TMEM114: variants seen among roughly 807,000 people sequenced by gnomAD.
TMEM114 encodes transmembrane protein 114, also known as claudin-26.
In TMEM114, 6 loss-of-function variants were observed where a neutral mutation model predicts 6.2. That is an observed-to-expected ratio of 0.97 (90% CI 0.53 to 1.91). The LOEUF (loss-of-function observed/expected upper bound fraction) is 1.91, where lower values mean the gene tolerates loss of function less well. TMEM114 is among the 40% of genes most tolerant of loss of function. The probability of loss-of-function intolerance (pLI) is 0.01; values close to 1 mark genes in which losing one functional copy is unlikely to be tolerated. For synonymous variants in TMEM114, 104 were observed against 73.0 expected (o/e 1.42, Z -2.16); for missense variants, 218 against 158.3 (o/e 1.38, Z -2.02).
chr16:8,537,185 G>A (rs1266312394), downstream of TMEM114, among the ~76,000 whole-genome samples: 7 of 152,050 alleles, frequency 4.6e-5, no homozygotes, highest in African/African-American at 1.7e-4. Flanking sequence ...ATCCTGGGCA[G>A]CAGAGTGAGA....
intron 2 of TMEM114, among the ~76,000 whole-genome samples, chr16:8,543,341 T>C (rs184337497): frequency 6.6e-6 from 1 of 152,322 alleles, no homozygotes; most frequent in East Asian, 1.9e-4. Flanking sequence ...CAAGGTCCTT[T>C]GGTGTCACTG....
chr16:8,549,981 G>T (rs1900790319), intron 2 of TMEM114, among the ~76,000 whole-genome samples: 1 of 152,186 alleles, frequency 6.6e-6, no homozygotes, highest in Non-Finnish European at 1.5e-5. Context: ...CGACAGTGCA[G>T]CCTTCAGTCT....
intron 2 of TMEM114, among the ~76,000 whole-genome samples, chr16:8,545,301 T>C (rs1900629973): frequency 6.6e-6 from 1 of 152,090 alleles, no homozygotes; most frequent in Non-Finnish European, 1.5e-5. Context: ...CCAGGCACAG[T>C]GGCACATGCC....
chr16:8,545,364 A>G (rs1024576776), intron 2 of TMEM114, among the ~76,000 whole-genome samples: 40 of 152,190 alleles, frequency 2.6e-4, no homozygotes, highest in Admixed American at 2.1e-3. Flanking sequence ...TGAGCCCAGG[A>G]GGTTGAGGTT....
intron 2 of TMEM114, among the ~76,000 whole-genome samples, chr16:8,549,613 T>C (rs1165522610): frequency 1.3e-5 from 2 of 152,004 alleles, no homozygotes; most frequent in Non-Finnish European, 2.9e-5. Flanking sequence ...TTCCAAGATA[T>C]CATGTTTTCC....
At chr16:8,563,881 GTGAA>G (rs1901398887) in intron 2 of TMEM114, among the ~76,000 whole-genome samples, 1 of 149,766 alleles carries the variant, frequency 6.7e-6, no homozygotes, top group African/African-American at 2.5e-5. Flanking sequence ...GAGTGAGTGA[GTGAA>G]TTAGTGAGTG....
intron 2 of TMEM114, among the ~76,000 whole-genome samples, chr16:8,557,911 C>G (rs1021682524): frequency 6.6e-6 from 1 of 152,166 alleles, no homozygotes; most frequent in South Asian, 2.1e-4. Flanking sequence ...AATTAGGTGG[C>G]TTAAAACAAC....
chr16:8,566,762 G>A (rs927369296), downstream of TMEM114, among the ~76,000 whole-genome samples: 1 of 152,102 alleles, frequency 6.6e-6, no homozygotes, highest in African/African-American at 2.4e-5. Flanking sequence ...GCTGTCACCT[G>A]CCTGGTCTGC....
At chr16:8,576,242 G>C in intron 2 of TMEM114, among the ~76,000 whole-genome samples, 1 of 152,186 alleles carries the variant, frequency 6.6e-6, no homozygotes, top group East Asian at 1.9e-4. Context: ...AGATAAGATG[G>C]AGATATTTGG....
chr16:8,561,363 C>T (rs1430555863), intron 2 of TMEM114, among the ~76,000 whole-genome samples: 1 of 152,222 alleles, frequency 6.6e-6, no homozygotes, highest in Non-Finnish European at 1.5e-5. Flanking sequence ...TCCCTGCCAC[C>T]TTCTCCCCAT....
intron 2 of TMEM114, among the ~76,000 whole-genome samples, chr16:8,550,671 T>A (rs1303160971): frequency 6.9e-6 from 1 of 145,820 alleles, no homozygotes; most frequent in Non-Finnish European, 1.5e-5. Context: ...AGAGCAAAAC[T>A]TCGTCAAAAA....
intron 2 of TMEM114, among the ~76,000 whole-genome samples, chr16:8,543,658 G>C (rs1306556971): frequency 1.3e-5 from 2 of 151,794 alleles, no homozygotes; most frequent in East Asian, 3.9e-4. Context: ...TTCTGCCTTG[G>C]GCTCCTAGAG....
chr16:8,568,767 G>C (rs914754313), downstream of TMEM114, among the ~76,000 whole-genome samples: 1 of 152,196 alleles, frequency 6.6e-6, no homozygotes, highest in Admixed American at 6.5e-5. Flanking sequence ...TTTTGGGTTA[G>C]AATAGGCTGG....
At chr16:8,527,131 C>T in the TMEM114 span, among the ~76,000 whole-genome samples, 4 of 152,198 alleles carry the variant, frequency 2.6e-5, no homozygotes, top group South Asian at 8.3e-4. Flanking sequence ...TGCTTGAACC[C>T]GGAAGGTGGG....
At position 8,561,339 on chromosome 16, in the gene TMEM114, G is replaced by A. The variant is rs142945844; in HGVS notation, n.213-23513C>T. Among the ~76,000 whole-genome samples, 378 of 152,252 alleles carry A rather than the reference G, an allele frequency of 2.5e-3. 2 individuals are homozygous for A. The highest frequency in any genetic ancestry group is 8.2e-3 in the African/African-American group (341 of 41,550). ...GACTGGACAGGACATTATTTTCATC[G>A]TACAACACACTCTTCCCTGCCACCT... On this transcript the variant is annotated intron_variant and non_coding_transcript_variant, in intron 2 of 2. Transcript: ENST00000623677.
At chr16:8,558,259 G>GA (rs558679156) in intron 2 of TMEM114, among the ~76,000 whole-genome samples, 40 of 151,826 alleles carry the variant, frequency 2.6e-4, no homozygotes, top group Non-Finnish European at 5.0e-4. Context: ...AAAAGAAAAA[G>GA]AAAAAAAACA....
intron 2 of TMEM114, among the ~76,000 whole-genome samples, chr16:8,575,364 C>T (rs556631530): frequency 6.6e-6 from 1 of 152,348 alleles, no homozygotes; most frequent in Admixed American, 6.5e-5. Flanking sequence ...AAGTCGCAGA[C>T]AGTTCCTCTC....
At chr16:8,543,885 A>G (rs1281936042) in intron 2 of TMEM114, among the ~76,000 whole-genome samples, 1 of 152,248 alleles carries the variant, frequency 6.6e-6, no homozygotes, top group Non-Finnish European at 1.5e-5. Flanking sequence ...GTCAAAGTCC[A>G]TAACATAGGA....
intron 2 of TMEM114, among the ~76,000 whole-genome samples, chr16:8,584,285 G>C (rs1208376602): frequency 6.6e-6 from 1 of 152,176 alleles, no homozygotes; most frequent in Non-Finnish European, 1.5e-5. Flanking sequence ...CCACCAAAAA[G>C]TTCCTGGCTG....
Sources: allele counts gnomAD v4.1 joint callset (sites outside exome capture counted in the v4.1 genomes callset), GRCh38; gene constraint gnomAD v4.1.1; transcripts MANE v1.5; gene names NCBI Gene and HGNC (gene_info 2026-07-23, HGNC 2026-07-21).